The following GAS7 variants were observed in gnomAD, a reference collection of about 807,000 sequenced individuals.
The protein encoded by GAS7 is growth arrest-specific protein 7.
Under a neutral mutation model 71.1 loss-of-function variants are expected in GAS7, and 28 were observed. The observed-to-expected ratio is 0.39, with a 90% CI of 0.29 to 0.54. The LOEUF is 0.54. GAS7 is among the 20% of genes least tolerant of loss of function. The pLI, the probability that GAS7 is intolerant of heterozygous loss-of-function variation, is 0.62. For synonymous variants in GAS7, 258 were observed against 245.8 expected (o/e 1.05, Z -0.46); for missense variants, 436 against 627.8 (o/e 0.69, Z 3.27).
At chr17:9,968,261 G>C (rs2069805497) in intron 4 of GAS7, among the ~76,000 whole-genome samples, 1 of 152,206 alleles carries the variant, frequency 6.6e-6, no homozygotes, top group Non-Finnish European at 1.5e-5. Context: ...GAGCAGAGGA[G>C]AGAAGGAGAC....
At chr17:10,104,645 A>T (rs1265881517) in intron 1 of GAS7, among the ~76,000 whole-genome samples, 1 of 152,160 alleles carries the variant, frequency 6.6e-6, no homozygotes, top group Non-Finnish European at 1.5e-5. Context: ...CCTGCTCTCC[A>T]TAACTCATTT....
chr17:10,014,265 T>G (rs1025187306), intron 2 of GAS7, among the ~76,000 whole-genome samples: 5 of 152,336 alleles, frequency 3.3e-5, no homozygotes, highest in African/African-American at 1.2e-4. Context: ...GTCTGACAGA[T>G]TCTACCTCCT....
chr17:10,137,070 C>T (rs117921205), intron 1 of GAS7, among the ~76,000 whole-genome samples: 3,175 of 152,192 alleles, frequency 0.021, 55 homozygotes, highest in Middle Eastern at 0.037. Flanking sequence ...GCTGAGATCA[C>T]GCCACTGCAC....
chr17:9,985,826 C>T (rs1892697406), intron 2 of GAS7, among the ~76,000 whole-genome samples: 1 of 152,224 alleles, frequency 6.6e-6, no homozygotes, highest in African/African-American at 2.4e-5. Context: ...CAGAGCTCCC[C>T]ACGGCGCTGC....
At chr17:10,017,129 T>TAAAA (rs1006847614) in intron 2 of GAS7, among the ~76,000 whole-genome samples, 24 of 122,138 alleles carry the variant, frequency 2.0e-4, no homozygotes, top group Middle Eastern at 3.6e-3. Flanking sequence ...AGACCCTGTC[T>TAAAA]AAAAAAATAA....
Position 10,029,153 on chromosome 17 carries a change from A to G in GAS7, c.184-9256T>C, listed in dbSNP as rs1003262650. ...ATCATTTACGTGGGAAGACCAGTGC[A>G]AGAATAAAAAGAAGGCTGGTCTCAA... On this transcript the variant is annotated intron_variant, in intron 1 of 13. Transcript: ENST00000432992. Among the ~76,000 whole-genome samples, 5 of 152,226 alleles carry G rather than the reference A, an allele frequency of 3.3e-5. No individual in the cohort carries two copies. The East Asian group carries it at 9.6e-4, about 29-fold the overall frequency.
At chr17:10,030,124 A>AAC (rs2072575629) in intron 1 of GAS7, among the ~76,000 whole-genome samples, 1 of 152,146 alleles carries the variant, frequency 6.6e-6, no homozygotes, top group African/African-American at 2.4e-5. Context: ...AACCTGAAGG[A>AAC]ACACAACAGA....
intron 1 of GAS7, among the ~76,000 whole-genome samples, chr17:10,055,918 C>T (rs143072381): frequency 0.019 from 2,853 of 152,204 alleles, 40 homozygotes; most frequent in Non-Finnish European, 0.031. Flanking sequence ...TTTTTTAACT[C>T]CATCTCAATC....
chr17:10,181,091 G>GA (rs2074411304), intron 1 of GAS7, among the ~76,000 whole-genome samples: 1 of 149,504 alleles, frequency 6.7e-6, no homozygotes, highest in Non-Finnish European at 1.5e-5. Flanking sequence ...TGGGGGCACG[G>GA]TGGCTCACGC....
At chr17:10,066,843 A>T (rs2152244957) in intron 1 of GAS7, among the ~76,000 whole-genome samples, 1 of 152,194 alleles carries the variant, frequency 6.6e-6, no homozygotes, top group South Asian at 2.1e-4. Flanking sequence ...CTGACAGTGT[A>T]GTGGTGAAGA....
intron 3 of GAS7, among the ~76,000 whole-genome samples, chr17:9,980,532 T>G (rs1277057157): frequency 6.6e-6 from 1 of 152,190 alleles, no homozygotes; most frequent in African/African-American, 2.4e-5. Context: ...CATTGGAAGA[T>G]TAAATTCCCA....
At chr17:10,011,760 T>C (rs1017544922) in intron 2 of GAS7, among the ~76,000 whole-genome samples, 24 of 152,154 alleles carry the variant, frequency 1.6e-4, no homozygotes, top group Admixed American at 1.6e-3. Flanking sequence ...GTGGATCACC[T>C]GAGGTCGGAA....
chr17:10,117,093 A>G (rs1776246455), intron 1 of GAS7, among the ~76,000 whole-genome samples: 1 of 152,132 alleles, frequency 6.6e-6, no homozygotes, highest in Non-Finnish European at 1.5e-5. Flanking sequence ...TAAAGTCAAG[A>G]TGTCTGCAGG....
chr17:10,132,910 G>A (rs1032237099), intron 1 of GAS7, among the ~76,000 whole-genome samples: 5 of 151,626 alleles, frequency 3.3e-5, no homozygotes, highest in East Asian at 1.9e-4. Context: ...CTGCACCTCC[G>A]ACCTCCACCC....
At chr17:9,952,916 A>G (rs2069078407) in intron 5 of GAS7, among the ~76,000 whole-genome samples, 1 of 152,290 alleles carries the variant, frequency 6.6e-6, no homozygotes, top group Admixed American at 6.5e-5. Context: ...AATTAGTTCA[A>G]CCATGTGGAA....
intron 1 of GAS7, among the ~76,000 whole-genome samples, chr17:10,058,251 TAAAAACAAAAAC>T (rs138792666): frequency 0.031 from 4,639 of 151,492 alleles, 256 homozygotes; most frequent in African/African-American, 0.11. Context: ...CAATAAATAC[TAAAAACAAAAAC>T]AAAAACAAAA....
rs188481786 is a variant in GAS7 at position 10,093,194 on chromosome 17, C to T, written c.184-73297G>A. ...TGGACAAGACCAACCCCTTGTCAAG[C>T]CCCCACTATCTCACCTTTATAAGGA... is the stretch of plus-strand genomic sequence containing the variant. On this transcript the variant is annotated intron_variant, in intron 1 of 13. Coordinates refer to ENST00000432992, the MANE Select transcript of GAS7 (RefSeq NM_201433.2). Among the ~76,000 whole-genome samples the T allele has an allele frequency of 6.6e-5, 10 of 152,306 alleles. No homozygotes were observed. The East Asian group carries it at 1.9e-3, about 29-fold the overall frequency.
intron 8 of GAS7, among the ~76,000 whole-genome samples, chr17:9,936,819 G>A (rs1188176020): frequency 6.6e-6 from 1 of 152,074 alleles, no homozygotes; most frequent in Non-Finnish European, 1.5e-5. Context: ...AACCAAAATC[G>A]CATTTCCTTT....
rs1255539555 is a variant in GAS7 at position 9,919,123 on chromosome 17, A to G, written c.1218+503T>C. 6.6e-6 allele frequency among the ~76,000 whole-genome samples: 1 copy of G among 152,152 alleles called. No individual in the cohort carries two copies. Among genetic ancestry groups the G allele is most frequent in the Non-Finnish European group, 1.5e-5 (1 of 68,000 alleles). ...GATAAGGAGATGCTGCCCCTTTACA[A>G]GAAATACTCAAGAGCATCATCGGCC... is the stretch of plus-strand genomic sequence containing the variant. On this transcript the variant is annotated intron_variant, in intron 12 of 13. Transcript: ENST00000432992. The surrounding 1 kb of genome is among the most constrained non-coding windows in gnomAD (Gnocchi z 5.0).
Sources: allele counts gnomAD v4.1 joint callset (sites outside exome capture counted in the v4.1 genomes callset), GRCh38; gene constraint gnomAD v4.1.1; non-coding constraint Gnocchi (gnomAD v3.1); transcripts MANE v1.5; gene names NCBI Gene and HGNC (gene_info 2026-07-23, HGNC 2026-07-21).